Variants in RNF17 observed in about 807,000 individuals in gnomAD.
RNF17 encodes spermatogenesis associated 23.
A neutral mutation model predicts 200.5 loss-of-function variants in RNF17; 31 were observed. The observed-to-expected ratio is 0.15, with a 90% CI of 0.12 to 0.21. The LOEUF (loss-of-function observed/expected upper bound fraction) is 0.21, where lower values mean the gene tolerates loss of function less well. RNF17 is among the 10% of genes least tolerant of loss of function. RNF17 has a pLI of 1.00. For synonymous variants in RNF17, 606 were observed against 637.8 expected (o/e 0.95, Z 0.75); for missense variants, 1,628 against 1,905.1 (o/e 0.85, Z 2.71).
chr13:24,835,321 C>A (rs1395002223), intron 18 of RNF17, among the ~76,000 whole-genome samples: 1 of 152,166 alleles, frequency 6.6e-6, no homozygotes, highest in African/African-American at 2.4e-5. Context: ...CGTACTACCA[C>A]AGCTGATGCT....
intron 9 of RNF17, among the ~76,000 whole-genome samples, chr13:24,790,454 T>G (rs12870072): frequency 0.23 from 34,619 of 152,032 alleles, 4,490 homozygotes; most frequent in East Asian, 0.4. Context: ...CTATTTAAAT[T>G]TAAACATAAA....
intron 9 of RNF17, 21 bp downstream of exon 9, chr13:24,789,793 T>C (rs752778322): frequency 1.5e-6 from 2 of 1,302,394 alleles, no homozygotes; most frequent in East Asian, 4.6e-5. Context: ...ATAAGCATGG[T>C]AACATGCCAT....
chr13:24,885,300 T>C, the RNF17 span: 1 of 1,610,630 alleles, frequency 6.2e-7, no homozygotes, highest in Non-Finnish European at 8.5e-7. Flanking sequence ...GACTGATTTC[T>C]CCCTGTATGT....
chr13:24,866,346 T>G (rs1334871730), intron 30 of RNF17, 143 bp downstream of exon 30: 1 of 499,184 alleles, frequency 2.0e-6, no homozygotes, highest in African/African-American at 2.1e-5. Flanking sequence ...AGTTCAGTGT[T>G]GTTTAATATC....
intron 32 of RNF17, among the ~76,000 whole-genome samples, chr13:24,872,398 CAT>C (rs1392439797): frequency 5.3e-5 from 8 of 152,302 alleles, no homozygotes; most frequent in Admixed American, 2.0e-4. Flanking sequence ...ACACAGAAAG[CAT>C]ATGACATAAG....
At chr13:24,842,668 A>T (rs1890762216) in intron 19 of RNF17, among the ~76,000 whole-genome samples, 1 of 152,106 alleles carries the variant, frequency 6.6e-6, no homozygotes, top group Non-Finnish European at 1.5e-5. Flanking sequence ...AGTGGTGGCA[A>T]GGACAGGTGG....
intron 7 of RNF17, among the ~76,000 whole-genome samples, chr13:24,788,507 G>A (rs1463081547): frequency 1.3e-5 from 2 of 152,028 alleles, no homozygotes; most frequent in Non-Finnish European, 1.5e-5. Context: ...GGACAAATAA[G>A]GGTAGCAAAC....
chr13:24,868,192 CG>C (rs1566250438), intron 30 of RNF17, among the ~76,000 whole-genome samples: 1 of 152,090 alleles, frequency 6.6e-6, no homozygotes, highest in Admixed American at 6.6e-5. Flanking sequence ...TTGCTGGGGC[CG>C]GGCGCGGTGG....
downstream of RNF17, among the ~76,000 whole-genome samples, chr13:24,880,749 T>C (rs1360050648): frequency 6.6e-6 from 1 of 152,192 alleles, no homozygotes; most frequent in African/African-American, 2.4e-5. Context: ...GCCATGGGGT[T>C]GCTTTTTGAC....
chr13:24,814,594 A>T (rs1388993017), intron 15 of RNF17, among the ~76,000 whole-genome samples: 1 of 152,210 alleles, frequency 6.6e-6, no homozygotes, highest in African/African-American at 2.4e-5. Flanking sequence ...TTGGATATTC[A>T]GTTTTTCCAG....
chr13:24,750,598 T>C, the RNF17 span: 1 of 152,274 alleles, frequency 6.6e-6, no homozygotes, highest in Non-Finnish European at 1.5e-5. Context: ...TATTTTTATA[T>C]TCAACTAGGT....
chr13:24,859,134 G>C lies in RNF17; in HGVS notation c.3744G>C (p.Lys1248Asn). ...CCGATACTCTGTGGTATCGTGGCAA[G>C]GTGATGGAGGTTGTAGGTGGCGCTG... ...RGSDTLWYRGKVMEVVGGAVR... is the reference protein window; with the variant it reads ...RGSDTLWYRGNVMEVVGGAVR... Residue 1248 changes from lysine to asparagine, a missense_variant, in exon 26 of 36, where the codon AAG (lysine) becomes AAC (asparagine). Lys to Asn is a moderately conservative substitution (Grantham distance 94). Transcript: ENST00000255324. 1 of 1,605,708 alleles carries C rather than the reference G, an allele frequency of 6.2e-7. No individual in the cohort carries two copies. The highest frequency in any genetic ancestry group is 8.5e-7 in the Non-Finnish European group (1 of 1,175,268).
intron 15 of RNF17, among the ~76,000 whole-genome samples, chr13:24,818,795 G>T (rs1201839413): frequency 6.6e-6 from 1 of 151,970 alleles, no homozygotes; most frequent in South Asian, 2.1e-4. Context: ...TGTATCTCTT[G>T]TGGACAGCAT....
At chr13:24,760,004 T>C (rs954293079), upstream of RNF17, among the ~76,000 whole-genome samples, 4 of 151,700 alleles carry the variant, frequency 2.6e-5, no homozygotes, top group Admixed American at 2.6e-4. Context: ...TAGCCAGGCG[T>C]GGGGAGCGCG....
chr13:24,774,785 GT>G, intron 2 of RNF17, 27 bp from the exon 3 acceptor site: 1 of 1,467,306 alleles, frequency 6.8e-7, no homozygotes, highest in Non-Finnish European at 9.5e-7. Context: ...GGGTGACTTT[GT>G]TTTTTTAAAC....
intron 6 of RNF17, among the ~76,000 whole-genome samples, chr13:24,787,473 A>G (rs568601942): frequency 6.6e-6 from 1 of 152,226 alleles, no homozygotes; most frequent in Non-Finnish European, 1.5e-5. Flanking sequence ...CTCTTGATGT[A>G]ACAGTCCTTC....
downstream of RNF17, among the ~76,000 whole-genome samples, chr13:24,880,586 T>G (rs1953787537): frequency 6.6e-6 from 1 of 152,238 alleles, no homozygotes; most frequent in African/African-American, 2.4e-5. Flanking sequence ...CATGTTGGTA[T>G]GTATAACTCT....
At chr13:24,750,677 A>G in the RNF17 span, 5 of 152,192 alleles carry the variant, frequency 3.3e-5, no homozygotes, top group Non-Finnish European at 7.3e-5. Context: ...ATTTTTCTTG[A>G]TACTTACTTC....
chr13:24,776,200 C>T (rs1881545360), intron 3 of RNF17, among the ~76,000 whole-genome samples: 1 of 152,138 alleles, frequency 6.6e-6, no homozygotes, highest in Non-Finnish European at 1.5e-5. Flanking sequence ...TCTCCTATGT[C>T]CATAACCTAT....
Sources: allele counts gnomAD v4.1 joint callset (sites outside exome capture counted in the v4.1 genomes callset), GRCh38; gene constraint gnomAD v4.1.1; transcripts MANE v1.5; gene names NCBI Gene and HGNC (gene_info 2026-07-23, HGNC 2026-07-21).